Variants in RALGPS2 observed in about 807,000 individuals in gnomAD.
RALGPS2 encodes ras-specific guanine nucleotide-releasing factor RalGPS2.
In RALGPS2, 43 loss-of-function variants were observed where a neutral mutation model predicts 86.8. The ratio of observed to expected loss-of-function variants is 0.50; its 90% CI spans 0.39 to 0.64. The LOEUF (loss-of-function observed/expected upper bound fraction) is 0.64, where lower values mean the gene tolerates loss of function less well. Among genes scored for constraint, RALGPS2 ranks in the 30% least tolerant of loss-of-function variants. RALGPS2 has a pLI of 0.00. For missense variants in RALGPS2, 536 were observed against 694.6 expected, an observed-to-expected ratio of 0.77 and a Z score of 2.57; for synonymous variants, 243 against 231.3, an observed-to-expected ratio of 1.05 and a Z score of -0.46.
At chr1:178,862,002 A>G (rs951688667) in intron 8 of RALGPS2, among the ~76,000 whole-genome samples, 2 of 151,996 alleles carry the variant, frequency 1.3e-5, no homozygotes, top group African/African-American at 4.8e-5. Flanking sequence ...CCTCCTGAAT[A>G]GCTAGGATTA....
At chr1:178,852,700 T>G (rs1387443625) in intron 8 of RALGPS2, 1 of 1,613,556 alleles carries the variant, frequency 6.2e-7, no homozygotes, top group Non-Finnish European at 8.5e-7. Flanking sequence ...CATATCTTTA[T>G]CTCTGTCCAG....
chr1:178,797,832 C>T (rs1021077469), intron 4 of RALGPS2, among the ~76,000 whole-genome samples: 2 of 151,976 alleles, frequency 1.3e-5, no homozygotes, highest in African/African-American at 4.8e-5. Context: ...TAGTCACACC[C>T]ATCGCATTAC....
At chr1:178,755,382 T>C (rs1337064009) in intron 1 of RALGPS2, among the ~76,000 whole-genome samples, 1 of 152,144 alleles carries the variant, frequency 6.6e-6, no homozygotes, top group Non-Finnish European at 1.5e-5. Context: ...ATTGCCATCT[T>C]TGTGTCCACA....
chr1:178,864,847 C>G, intron 8 of RALGPS2: 1 of 672,706 alleles, frequency 1.5e-6, no homozygotes, highest in Admixed American at 3.9e-5. Context: ...TTTTAATGTA[C>G]ATATATAACA....
intron 9 of RALGPS2, 140 bp from the exon 10 acceptor site, chr1:178,878,762 C>A: frequency 9.1e-7 from 1 of 1,099,060 alleles, no homozygotes; most frequent in Non-Finnish European, 1.3e-6. Flanking sequence ...TAAAGTTTAT[C>A]TCAGTAATGT....
chr1:178,782,534 A>T (rs1363423393), intron 2 of RALGPS2, among the ~76,000 whole-genome samples: 1 of 152,006 alleles, frequency 6.6e-6, no homozygotes, highest in Admixed American at 6.6e-5. Context: ...TTCCTGTCTC[A>T]CCTAAGCAGA....
rs543370173 is a variant in RALGPS2, at chr1:178,893,758, A to G, written c.1326-161A>G. 3.9e-5 allele frequency: 20 copies of G among 518,424 alleles called. No homozygotes were observed. In the South Asian group the frequency reaches 5.3e-4, roughly 14 times the overall value. The allele number at this position is 518,424 out of a possible 1,614,324, so 32.1% of individuals were successfully genotyped here. The stretch of plus-strand genomic sequence containing the variant: ...CTAATCAACTTTTTGTACAGCTTAT[A>G]AATTTCAAGATTAATAAACCTTTAG... On this transcript the variant is annotated intron_variant, in intron 15 of 19. Transcript: ENST00000367635.
intron 8 of RALGPS2, among the ~76,000 whole-genome samples, chr1:178,840,531 T>TG (rs1656547892): frequency 6.6e-6 from 1 of 152,132 alleles, no homozygotes; most frequent in Non-Finnish European, 1.5e-5. Context: ...TAGCACTAAA[T>TG]GCCCACAAGA....
chr1:178,836,840 G>A (rs1161918036), intron 8 of RALGPS2, among the ~76,000 whole-genome samples: 1 of 152,042 alleles, frequency 6.6e-6, no homozygotes, highest in East Asian at 1.9e-4. Context: ...GTGTGCAGTG[G>A]CATGATCAGC....
At chr1:178,851,273 G>A (rs201826963) in intron 8 of RALGPS2, 2 of 1,613,314 alleles carry the variant, frequency 1.2e-6, no homozygotes, top group African/African-American at 1.3e-5. Flanking sequence ...AATGTGCACA[G>A]GCATTGTACC....
intron 19 of RALGPS2, among the ~76,000 whole-genome samples, 166 bp downstream of exon 19, chr1:178,907,033 G>T (rs1558181420): frequency 6.6e-6 from 1 of 152,170 alleles, no homozygotes; most frequent in Non-Finnish European, 1.5e-5. Flanking sequence ...TCTTAGTGAG[G>T]AGCTAGACAG....
At chr1:178,817,534 A>G (rs1655291390) in intron 6 of RALGPS2, among the ~76,000 whole-genome samples, 1 of 152,076 alleles carries the variant, frequency 6.6e-6, no homozygotes, top group Non-Finnish European at 1.5e-5. Context: ...GTAGCTTTGT[A>G]GTAAGCCTTG....
chr1:178,766,664 G>T (rs1184789856), intron 1 of RALGPS2, among the ~76,000 whole-genome samples: 2 of 152,070 alleles, frequency 1.3e-5, no homozygotes, highest in Non-Finnish European at 2.9e-5. Flanking sequence ...TGCTCTCTCT[G>T]GCTGCCTTTA....
intron 8 of RALGPS2, among the ~76,000 whole-genome samples, chr1:178,868,577 A>G (rs1365898318): frequency 6.6e-6 from 1 of 152,022 alleles, no homozygotes; most frequent in Non-Finnish European, 1.5e-5. Flanking sequence ...TTTATAAAAC[A>G]GCTAAAAGCG....
chr1:178,789,049 G>C (rs1653828531), intron 4 of RALGPS2, among the ~76,000 whole-genome samples: 2 of 151,882 alleles, frequency 1.3e-5, no homozygotes, highest in African/African-American at 2.4e-5. Flanking sequence ...TAGGCCTCCA[G>C]GTGCATGCCA....
chr1:178,729,828 T>C (rs1165902080), intron 1 of RALGPS2, among the ~76,000 whole-genome samples: 1 of 152,256 alleles, frequency 6.6e-6, no homozygotes, highest in South Asian at 2.1e-4. Context: ...CTGCCTCATG[T>C]CTTTATGACT....
At chr1:178,902,258 G>T in intron 18 of RALGPS2, 47 bp downstream of exon 18, 1 of 1,408,028 alleles carries the variant, frequency 7.1e-7, no homozygotes, top group Non-Finnish European at 1.0e-6. Flanking sequence ...GTATGTGTTT[G>T]TGTATATGTA....
chr1:178,855,526 G>A (rs907170319), intron 8 of RALGPS2, among the ~76,000 whole-genome samples: 2 of 151,916 alleles, frequency 1.3e-5, no homozygotes, highest in African/African-American at 2.4e-5. Context: ...GTACAGACTA[G>A]TAAAAATTTG....
intron 6 of RALGPS2, 43 bp from the exon 7 acceptor site, chr1:178,821,569 G>A (rs781579837): frequency 6.8e-7 from 1 of 1,476,018 alleles, no homozygotes; most frequent in East Asian, 2.3e-5. Context: ...TATTCATGTT[G>A]TTCTTTTTCA....
Sources: gnomAD v4.1 joint callset for allele counts (sites outside exome capture counted in the v4.1 genomes callset) on GRCh38, gnomAD v4.1.1 for gene constraint, MANE v1.5 for transcripts, NCBI Gene and HGNC (gene_info 2026-07-23, HGNC 2026-07-21) for gene names.